Variants in CACNA1D observed in about 807,000 individuals in gnomAD.
The protein encoded by CACNA1D is voltage-dependent L-type calcium channel subunit alpha-1D.
In CACNA1D, 55 loss-of-function variants were observed where a neutral mutation model predicts 257.1. The ratio of observed to expected loss-of-function variants is 0.21; its 90% CI spans 0.17 to 0.27. The LOEUF (loss-of-function observed/expected upper bound fraction) is 0.27. CACNA1D is among the 10% of genes least tolerant of loss of function. The probability of loss-of-function intolerance (pLI) is 1.00; values close to 1 mark genes in which losing one functional copy is unlikely to be tolerated. For missense variants in CACNA1D, 1,876 were observed against 2,784.0 expected (o/e 0.67, Z 7.34); for synonymous variants, 980 against 1,014.9 (o/e 0.97, Z 0.65).
At chr3:53,741,986 C>G (rs1035920605) in intron 21 of CACNA1D, among the ~76,000 whole-genome samples, 2 of 152,100 alleles carry the variant, frequency 1.3e-5, no homozygotes, top group Non-Finnish European at 2.9e-5. Flanking sequence ...CTGAGTCATT[C>G]TTCATTTTGA....
At position 53,726,960 on chromosome 3, in the gene CACNA1D, G is replaced by A. The variant is rs184573217; in HGVS notation, c.2182G>A (p.Val728Ile). Residue 728 changes from valine (V) to isoleucine (I), a missense_variant, in exon 15 of 48, where the codon GTC (valine) becomes ATC (isoleucine). Around this residue, in one of 10 missense-constraint regions of CACNA1D, gnomAD observed 257 missense variants for 399.7 expected, o/e 0.64. Transcript: ENST00000350061. ...GGGCCCATCCTCTTCAGGAATGATC[G>A]TCTGCATCTACTTCATCATCCTCTT... ...YGGPSSSGMI[V>I]CIYFIILFIC... is the part of the protein sequence containing the mutation. 281 of 1,614,086 alleles carry A rather than the reference G, an allele frequency of 1.7e-4. 1 individual carries two copies. The East Asian group carries it at 4.2e-3, about 24-fold the overall frequency.
rs2107072751 is a variant in CACNA1D, at chr3:53,497,422, A to G, written c.338A>G (p.Asn113Ser). 6.2e-7 allele frequency: 1 copy of G among 1,613,970 alleles called. No individual in the cohort carries two copies. Among genetic ancestry groups the G allele is most frequent in the East Asian group, 2.2e-5 (1 of 44,876 alleles). Reference sequence around the variant, plus strand: ...GCCCTTTTCTGTTTATCACTCAATAACCCCATCCGAAGAGCCTGCATTAGT... The same window carrying G: ...GCCCTTTTCTGTTTATCACTCAATAGCCCCATCCGAAGAGCCTGCATTAGT... Reference protein sequence around the residue: ...ARALFCLSLNNPIRRACISIV... With the variant: ...ARALFCLSLNSPIRRACISIV... The change falls in exon 2 of 48, where the codon AAC becomes AGC. Residue 113 changes from asparagine (N) to serine (S), a missense_variant. Physicochemically the swap from Asn to Ser is conservative, Grantham distance 46 (BLOSUM62 1). Coordinates refer to ENST00000350061, the MANE Select transcript of CACNA1D (RefSeq NM_001128840.3).
At chr3:53,773,977 C>G (rs143683439) in intron 33 of CACNA1D, 175 of 153,840 alleles carry the variant, frequency 1.1e-3, no homozygotes, top group Non-Finnish European at 1.7e-3. Flanking sequence ...AGTACCTTCC[C>G]ATTGCCCTGA....
chr3:53,637,392 C>T (rs2077167), intron 3 of CACNA1D, among the ~76,000 whole-genome samples: 59,817 of 152,056 alleles, frequency 0.39, 12,172 homozygotes, highest in South Asian at 0.55. Flanking sequence ...AGCCATGTAA[C>T]GTTCCCTTTC....
intron 2 of CACNA1D, among the ~76,000 whole-genome samples, chr3:53,500,990 C>T (rs920170874): frequency 6.6e-6 from 1 of 152,216 alleles, no homozygotes; most frequent in Non-Finnish European, 1.5e-5. Flanking sequence ...TTATAGCCAT[C>T]GATTCCTCTA....
chr3:53,666,517 G>T lies in CACNA1D; in HGVS notation c.1098G>T (p.Trp366Cys). ...TVFQCITMEGWTDVLYWMNDA... is the reference protein window; with the variant it reads ...TVFQCITMEGCTDVLYWMNDA... ...TTCAGTGCATCACCATGGAGGGCTG[G>T]ACAGATGTGCTCTACTGGGTAAGTA... The change falls in exon 7 of 48, where the codon TGG (tryptophan) becomes TGT (cysteine). Residue 366 changes from tryptophan (W) to cysteine (C), a missense_variant. Trp to Cys is a radical substitution (Grantham distance 215, BLOSUM62 -2). Transcript: ENST00000350061. The T allele has an allele frequency of 1.9e-6, 3 of 1,613,952 alleles. No individual in the cohort carries two copies. The highest frequency in any genetic ancestry group is 2.5e-6 in the Non-Finnish European group (3 of 1,179,798).
chr3:53,565,647 G>A (rs1320338424), intron 3 of CACNA1D, among the ~76,000 whole-genome samples: 1 of 152,154 alleles, frequency 6.6e-6, no homozygotes, highest in Non-Finnish European at 1.5e-5. Context: ...ACTTCAAAAG[G>A]CATGTGGAAC....
At chr3:53,533,946 C>A (rs979713905) in intron 3 of CACNA1D, among the ~76,000 whole-genome samples, 2 of 152,158 alleles carry the variant, frequency 1.3e-5, no homozygotes, top group Admixed American at 1.3e-4. Context: ...ATCGATCCAT[C>A]ATATAGGCAA....
chr3:53,701,983 G>A (rs1307114539), intron 8 of CACNA1D, among the ~76,000 whole-genome samples: 1 of 152,126 alleles, frequency 6.6e-6, no homozygotes, highest in African/African-American at 2.4e-5. Flanking sequence ...AAGAAAAACA[G>A]TAATGCTTCA....
chr3:53,650,179 C>G (rs2094074343), intron 3 of CACNA1D, among the ~76,000 whole-genome samples: 1 of 152,170 alleles, frequency 6.6e-6, no homozygotes, highest in Admixed American at 6.6e-5. Flanking sequence ...TGTTTGCCAT[C>G]CTGAATTTAC....
intron 3 of CACNA1D, among the ~76,000 whole-genome samples, chr3:53,560,561 T>C (rs577489660): frequency 2.4e-4 from 36 of 152,350 alleles, no homozygotes; most frequent in African/African-American, 8.4e-4. Context: ...AAATGTTTTC[T>C]GCACAGGACC....
chr3:53,686,678 G>GA lies in CACNA1D; in HGVS notation c.1220+13561dup, dbSNP rs199903893. On this transcript the variant is annotated intron_variant, in intron 8 of 47. Coordinates refer to ENST00000350061, the MANE Select transcript of CACNA1D (RefSeq NM_001128840.3). ...GAATATGCAAAAACTTCCTCAGCCTGAAAAAAAAACTATAGCTGACAACAT... is the reference window on the plus strand; with the variant it reads ...GAATATGCAAAAACTTCCTCAGCCTGAAAAAAAAAACTATAGCTGACAACAT... Among the ~76,000 whole-genome samples the GA allele has an allele frequency of 1.1e-4, 16 of 149,768 alleles. No homozygotes were observed. In the East Asian group the frequency reaches 1.6e-3, roughly 15 times the overall value.
At chr3:53,643,399 C>T (rs549098382) in intron 3 of CACNA1D, among the ~76,000 whole-genome samples, 5 of 152,112 alleles carry the variant, frequency 3.3e-5, no homozygotes, top group South Asian at 2.1e-4. Flanking sequence ...GATAGCGCTG[C>T]GGCTCCCCTG....
chr3:53,726,146 A>AT (rs1387848878), intron 14 of CACNA1D, among the ~76,000 whole-genome samples: 9 of 152,262 alleles, frequency 5.9e-5, no homozygotes, highest in Non-Finnish European at 1.0e-4. Flanking sequence ...ATGTTGTTGA[A>AT]TGAAAAAACA....
chr3:53,647,507 G>A (rs961653303), intron 3 of CACNA1D, among the ~76,000 whole-genome samples: 1 of 152,202 alleles, frequency 6.6e-6, no homozygotes, highest in Non-Finnish European at 1.5e-5. Flanking sequence ...ACAGACCTCA[G>A]TGTCCTCTAT....
rs146809582 is a variant in CACNA1D, at chr3:53,575,401, C to T, written c.483+73681C>T. Among the ~76,000 whole-genome samples, 626 of 152,234 alleles carry T rather than the reference C, an allele frequency of 4.1e-3. 5 individuals carry two copies. Among genetic ancestry groups the T allele is most frequent in the African/African-American group, 0.014 (590 of 41,526 alleles). The stretch of plus-strand genomic sequence containing the variant: ...AGGGTGTGGGGTGGGGGCATGGTTC[C>T]AGGAAGCTTCCTATTTTGTCTTGTC... On this transcript the variant is annotated intron_variant, in intron 3 of 47. Transcript: ENST00000350061.
intron 3 of CACNA1D, among the ~76,000 whole-genome samples, chr3:53,626,835 A>G (rs1393268124): frequency 2.0e-5 from 3 of 152,140 alleles, no homozygotes; most frequent in Non-Finnish European, 2.9e-5. Flanking sequence ...TCCCCTTCCT[A>G]GATGACCTCT....
intron 3 of CACNA1D, among the ~76,000 whole-genome samples, chr3:53,566,110 C>T (rs17053186): frequency 0.24 from 36,382 of 152,122 alleles, 5,306 homozygotes; most frequent in African/African-American, 0.41. Flanking sequence ...TTATAAATGC[C>T]GTGTCTGAGA....
intron 37 of CACNA1D, among the ~76,000 whole-genome samples, chr3:53,778,264 C>G (rs747380835): frequency 2.0e-5 from 3 of 152,176 alleles, no homozygotes; most frequent in Non-Finnish European, 4.4e-5. Context: ...GTGTGGGATC[C>G]CGTTCACTGA....
Sources: gnomAD v4.1 joint callset for allele counts (sites outside exome capture counted in the v4.1 genomes callset) on GRCh38, gnomAD v4.1.1 for gene constraint, gnomAD v4.1.1 regional missense constraint, MANE v1.5 for transcripts, NCBI Gene and HGNC (gene_info 2026-07-23, HGNC 2026-07-21) for gene names.